The following KCTD16 variants were observed in gnomAD, a reference collection of about 807,000 sequenced individuals.
The protein encoded by KCTD16 is potassium channel tetramerization domain containing 16.
In KCTD16, 13 loss-of-function variants were observed where a neutral mutation model predicts 33.2. The observed-to-expected ratio is 0.39, with a 90% CI of 0.25 to 0.62. The LOEUF is 0.62. Among genes scored for constraint, KCTD16 ranks in the 20% least tolerant of loss-of-function variants. The pLI is 0.50. For missense variants in KCTD16, 441 were observed against 525.1 expected (o/e 0.84, Z 1.57); for synonymous variants, 197 against 195.3 (o/e 1.01, Z -0.07).
At chr5:144,387,138 ATTT>A (rs377558036) in intron 3 of KCTD16, among the ~76,000 whole-genome samples, 5 of 116,160 alleles carry the variant, frequency 4.3e-5, no homozygotes, top group African/African-American at 1.3e-4. Flanking sequence ...GGCTAATTTA[ATTT>A]TTTTTTTTTT....
intron 3 of KCTD16, chr5:144,439,451 G>A (rs879339544): frequency 3.8e-5 from 11 of 292,854 alleles, no homozygotes; most frequent in Non-Finnish European, 6.0e-5. Context: ...TCCAGTGCCC[G>A]CTACCCAAGA....
chr5:144,267,645 C>T (rs1278457374), intron 3 of KCTD16, among the ~76,000 whole-genome samples: 2 of 152,128 alleles, frequency 1.3e-5, no homozygotes, highest in East Asian at 3.9e-4. Flanking sequence ...TTTTCTTTCC[C>T]ATTCTTCTTA....
At chr5:144,383,857 G>C (rs962957005) in intron 3 of KCTD16, among the ~76,000 whole-genome samples, 2 of 152,064 alleles carry the variant, frequency 1.3e-5, no homozygotes, top group African/African-American at 4.8e-5. Context: ...GGCTTAGCAG[G>C]CATTTCTGAT....
intron 3 of KCTD16, among the ~76,000 whole-genome samples, chr5:144,210,578 A>G (rs985174571): frequency 1.3e-5 from 2 of 152,202 alleles, no homozygotes; most frequent in African/African-American, 4.8e-5. Context: ...AGGTGAGGTC[A>G]TAAATATCAG....
At chr5:144,336,628 A>G (rs1752500726) in intron 3 of KCTD16, among the ~76,000 whole-genome samples, 1 of 152,172 alleles carries the variant, frequency 6.6e-6, no homozygotes, top group Admixed American at 6.6e-5. Flanking sequence ...TTTAAATGAA[A>G]GAAGTTGCCA....
At chr5:144,302,473 T>C (rs1016483563) in intron 3 of KCTD16, among the ~76,000 whole-genome samples, 11 of 152,194 alleles carry the variant, frequency 7.2e-5, no homozygotes, top group Non-Finnish European at 7.3e-5. Context: ...GTTCTATCTT[T>C]GGTACAGAAG....
At chr5:144,399,651 C>T (rs1752658861) in intron 3 of KCTD16, among the ~76,000 whole-genome samples, 1 of 152,126 alleles carries the variant, frequency 6.6e-6, no homozygotes, top group Admixed American at 6.6e-5. Flanking sequence ...TTGTAATCTT[C>T]ACTAGTCTCA....
At chr5:144,313,105 G>A (rs1309161500) in intron 3 of KCTD16, among the ~76,000 whole-genome samples, 4 of 152,174 alleles carry the variant, frequency 2.6e-5, no homozygotes, top group African/African-American at 9.6e-5. Context: ...GGCATTTTTA[G>A]GATATGGAGA....
At chr5:144,280,783 T>C (rs180819949) in intron 3 of KCTD16, among the ~76,000 whole-genome samples, 1,574 of 150,942 alleles carry the variant, frequency 0.01, 14 homozygotes, top group Non-Finnish European at 0.015. Context: ...AAAAATTAGC[T>C]GGGCGTGATG....
intron 3 of KCTD16, among the ~76,000 whole-genome samples, chr5:144,449,553 T>C (rs1257385970): frequency 6.6e-6 from 1 of 151,888 alleles, no homozygotes; most frequent in Non-Finnish European, 1.5e-5. Context: ...AAGTTGAAAT[T>C]ATAAATAAAT....
chr5:144,369,162 G>A (rs999189362), intron 3 of KCTD16, among the ~76,000 whole-genome samples: 4 of 152,080 alleles, frequency 2.6e-5, no homozygotes, highest in Non-Finnish European at 4.4e-5. Flanking sequence ...CCATAGGACC[G>A]ATTTAGCCTC....
chr5:144,340,264 T>C (rs1339016742), intron 3 of KCTD16, among the ~76,000 whole-genome samples: 1 of 151,804 alleles, frequency 6.6e-6, no homozygotes, highest in African/African-American at 2.4e-5. Flanking sequence ...TAGCTGGGCA[T>C]GGTGACGGGT....
chr5:144,395,030 C>T (rs780760416), intron 3 of KCTD16, among the ~76,000 whole-genome samples: 1 of 152,196 alleles, frequency 6.6e-6, no homozygotes, highest in Non-Finnish European at 1.5e-5. Context: ...GCAATATCAC[C>T]TGGCAACCTG....
At chr5:144,331,562 T>C (rs929180566) in intron 3 of KCTD16, among the ~76,000 whole-genome samples, 69 of 152,166 alleles carry the variant, frequency 4.5e-4, no homozygotes, top group Admixed American at 4.5e-3. Flanking sequence ...TGTGTTACCC[T>C]AGATGTGAAG....
At chr5:144,359,232 G>A (rs1751647559) in intron 3 of KCTD16, among the ~76,000 whole-genome samples, 1 of 152,172 alleles carries the variant, frequency 6.6e-6, no homozygotes, top group South Asian at 2.1e-4. Context: ...GTTTCTCACA[G>A]TTTAGGTTAC....
chr5:144,327,940 C>T (rs1752254753), intron 3 of KCTD16, among the ~76,000 whole-genome samples: 1 of 152,026 alleles, frequency 6.6e-6, no homozygotes, highest in Non-Finnish European at 1.5e-5. Context: ...AGGATACATC[C>T]AAAACAGTGG....
At chr5:144,320,800 A>G (rs1229967704) in intron 3 of KCTD16, among the ~76,000 whole-genome samples, 1 of 151,658 alleles carries the variant, frequency 6.6e-6, no homozygotes, top group South Asian at 2.1e-4. Context: ...TTTAGGGAAT[A>G]GATGGTTCAG....
chr5:144,374,909 C>T (rs1022039425), intron 3 of KCTD16, among the ~76,000 whole-genome samples: 5 of 152,192 alleles, frequency 3.3e-5, no homozygotes, highest in Non-Finnish European at 7.3e-5. Context: ...CAAAAAGTAG[C>T]ATATGACTTC....
chr5:144,192,979 G>T (rs1561524327), intron 2 of KCTD16, among the ~76,000 whole-genome samples: 1 of 152,178 alleles, frequency 6.6e-6, no homozygotes, highest in Admixed American at 6.5e-5. Context: ...GAACTGAGAT[G>T]TAAAAACTTG....
Sources: gnomAD v4.1 joint callset for allele counts (sites outside exome capture counted in the v4.1 genomes callset) on GRCh38, gnomAD v4.1.1 for gene constraint, MANE v1.5 for transcripts, NCBI Gene and HGNC (gene_info 2026-07-23, HGNC 2026-07-21) for gene names.